USP14: variants seen among roughly 807,000 people sequenced by gnomAD.
USP14 encodes ubiquitin specific peptidase 14, also known as ubiquitin carboxyl-terminal hydrolase 14.
A neutral mutation model predicts 76.5 loss-of-function variants in USP14; 38 were observed. That is an observed-to-expected ratio of 0.50 (90% CI 0.38 to 0.65). The LOEUF (loss-of-function observed/expected upper bound fraction) is 0.65, where lower values mean the gene tolerates loss of function less well. Among genes scored for constraint, USP14 ranks in the 30% least tolerant of loss-of-function variants. USP14 has a pLI of 0.00. For synonymous variants in USP14, 192 were observed against 191.7 expected (o/e 1.00, Z -0.01); for missense variants, 467 against 586.5 (o/e 0.80, Z 2.10).
chr18:159,407 C>T (rs1909053126), intron 1 of USP14, among the ~76,000 whole-genome samples: 1 of 152,152 alleles, frequency 6.6e-6, no homozygotes, highest in Non-Finnish European at 1.5e-5. Context: ...TGCTTGCTGA[C>T]AGTCCAGGGT....
chr18:175,048 C>G (rs1381156073), intron 3 of USP14, among the ~76,000 whole-genome samples: 1 of 151,870 alleles, frequency 6.6e-6, no homozygotes, highest in Non-Finnish European at 1.5e-5. Flanking sequence ...GCTGGGATTA[C>G]AAGCGTGAGC....
intron 5 of USP14, 52 bp downstream of exon 5, chr18:180,391 T>A: frequency 8.9e-7 from 1 of 1,123,358 alleles, no homozygotes; most frequent in Non-Finnish European, 1.3e-6. Flanking sequence ...GGATGAGTAG[T>A]ATTGTTTTGT....
intron 2 of USP14, among the ~76,000 whole-genome samples, chr18:165,403 G>A (rs1230914649): frequency 1.3e-5 from 2 of 152,146 alleles, no homozygotes; most frequent in Admixed American, 6.5e-5. Context: ...GTTTACCCCC[G>A]AAGGTACAGT....
rs1405221665 is a variant in USP14, at chr18:202,914, C to G, written c.911C>G (p.Thr304Arg). ...LQEEITKQSP[T>R]LQRNALYIKS... Reference sequence around the variant, plus strand: ...GAAGAAATCACCAAACAGTCTCCAACGTTGCAAAGAAATGCCTTGTATATC... The same window carrying G: ...GAAGAAATCACCAAACAGTCTCCAAGGTTGCAAAGAAATGCCTTGTATATC... The change falls in exon 11 of 16, where the codon ACG becomes AGG. Residue 304 changes from threonine to arginine, a missense_variant. Coordinates refer to ENST00000261601, the MANE Select transcript of USP14 (RefSeq NM_005151.4). 6.2e-7 allele frequency: 1 copy of G among 1,613,994 alleles called. No homozygotes were observed. The highest frequency in any genetic ancestry group is 8.5e-7 in the Non-Finnish European group (1 of 1,179,996).
At chr18:160,542 T>C (rs978255495) in intron 1 of USP14, among the ~76,000 whole-genome samples, 1 of 152,162 alleles carries the variant, frequency 6.6e-6, no homozygotes, top group Non-Finnish European at 1.5e-5. Context: ...AACACACACC[T>C]GTGCCTCTTA....
intron 5 of USP14, among the ~76,000 whole-genome samples, chr18:185,819 G>A (rs908805944): frequency 6.6e-6 from 1 of 150,874 alleles, no homozygotes; most frequent in Non-Finnish European, 1.5e-5. Context: ...TTGGCTTCCC[G>A]AGCAGCTGGG....
rs374502685 is a variant in USP14, at chr18:187,147, C to T, written c.405-5695C>T. On this transcript the variant is annotated intron_variant, in intron 5 of 15. Transcript: ENST00000261601. Reference sequence around the variant, plus strand: ...TACTCGTGAGTTTATTGGTGACTTACATTTCTAAGGTAAAAATCTAGGTTT... The same window carrying T: ...TACTCGTGAGTTTATTGGTGACTTATATTTCTAAGGTAAAAATCTAGGTTT... Among the ~76,000 whole-genome samples, 6 of 152,246 alleles carry T rather than the reference C, an allele frequency of 3.9e-5. No homozygotes were observed. In the East Asian group the frequency reaches 9.6e-4, roughly 24 times the overall value.
chr18:180,085 G>A lies in USP14; in HGVS notation c.301-151G>A, dbSNP rs956333801. 13 of 322,508 alleles carry A rather than the reference G, an allele frequency of 4.0e-5. 3 individuals carry two copies. The highest frequency in any genetic ancestry group is 7.4e-5 in the Non-Finnish European group (13 of 175,718). The allele number at this position is 322,508 out of a possible 1,614,324, so 20.0% of individuals were successfully genotyped here. On this transcript the variant is annotated intron_variant, in intron 4 of 15. Transcript: ENST00000261601. ...ACTTTTTTTTGGGGGAAATAAAACTGTTTCTTTAGCGTGAAGGCAGAATAT... is the reference window on the plus strand; with the variant it reads ...ACTTTTTTTTGGGGGAAATAAAACTATTTCTTTAGCGTGAAGGCAGAATAT...
At chr18:208,981 A>C (rs1281267780) in intron 13 of USP14, among the ~76,000 whole-genome samples, 3 of 152,220 alleles carry the variant, frequency 2.0e-5, no homozygotes, top group Non-Finnish European at 4.4e-5. Flanking sequence ...CCTGATCTCA[A>C]GTGATCCACT....
chr18:183,648 T>C (rs1218363664), intron 5 of USP14, among the ~76,000 whole-genome samples: 6 of 152,126 alleles, frequency 3.9e-5, no homozygotes, highest in African/African-American at 9.6e-5. Flanking sequence ...TGCTTACTTA[T>C]CATGACCTTC....
intron 5 of USP14, among the ~76,000 whole-genome samples, chr18:188,894 G>T (rs1910010520): frequency 6.6e-6 from 1 of 152,138 alleles, no homozygotes; most frequent in African/African-American, 2.4e-5. Flanking sequence ...GGCCAGGATG[G>T]TCTTGAACTC....
intron 13 of USP14, among the ~76,000 whole-genome samples, chr18:208,801 A>C (rs1910594391): frequency 6.6e-6 from 1 of 152,134 alleles, no homozygotes; most frequent in Admixed American, 6.5e-5. Flanking sequence ...GCTGGAGTGC[A>C]TAGGTACGAT....
intron 9 of USP14, among the ~76,000 whole-genome samples, chr18:198,768 T>C (rs1415890363): frequency 6.6e-6 from 1 of 152,134 alleles, no homozygotes; most frequent in Non-Finnish European, 1.5e-5. Context: ...TAATAATAAC[T>C]TTTAAAATAA....
intron 3 of USP14, among the ~76,000 whole-genome samples, chr18:178,126 T>G (rs1909679901): frequency 6.6e-6 from 1 of 152,144 alleles, no homozygotes; most frequent in African/African-American, 2.4e-5. Flanking sequence ...GCTCCAGTGA[T>G]CCTCCCATTT....
chr18:210,965 C>A (rs1910653894), intron 15 of USP14, among the ~76,000 whole-genome samples, 168 bp from the exon 16 acceptor site: 1 of 152,156 alleles, frequency 6.6e-6, no homozygotes, highest in Non-Finnish European at 1.5e-5. Context: ...CTGGTGGAAC[C>A]CCTGCAGTGC....
At chr18:181,191 T>C (rs927839014) in intron 5 of USP14, among the ~76,000 whole-genome samples, 2 of 152,256 alleles carry the variant, frequency 1.3e-5, no homozygotes, top group Non-Finnish European at 2.9e-5. Context: ...CTGTTATGAG[T>C]AATGCTGCAG....
chr18:160,086 T>C (rs1863783939), intron 1 of USP14, among the ~76,000 whole-genome samples: 1 of 152,112 alleles, frequency 6.6e-6, no homozygotes, highest in African/African-American at 2.4e-5. Flanking sequence ...GGCGGATCAC[T>C]TGAGGTCAGG....
intron 5 of USP14, among the ~76,000 whole-genome samples, chr18:185,585 G>A (rs1279783994): frequency 6.6e-6 from 1 of 152,060 alleles, no homozygotes; most frequent in African/African-American, 2.4e-5. Flanking sequence ...AGCTGTCTAG[G>A]GGATATGTTC....
Position 202,911 on chromosome 18 carries a change from C to A in USP14, c.908C>A (p.Pro303Gln). 1 of 1,614,094 alleles carries A rather than the reference C, an allele frequency of 6.2e-7. No homozygotes were observed. Residue 303 changes from proline to glutamine, a missense_variant, in exon 11 of 16, where the codon CCA becomes CAA. By Grantham distance (76) the Pro-to-Gln change is moderately conservative (BLOSUM62 -1). Coordinates refer to ENST00000261601, the MANE Select transcript of USP14 (RefSeq NM_005151.4). Reference sequence around the variant, plus strand: ...CAGGAAGAAATCACCAAACAGTCTCCAACGTTGCAAAGAAATGCCTTGTAT... The same window carrying A: ...CAGGAAGAAATCACCAAACAGTCTCAAACGTTGCAAAGAAATGCCTTGTAT... ...RLQEEITKQS[P>Q]TLQRNALYIK...
Sources: gnomAD v4.1 joint callset for allele counts (sites outside exome capture counted in the v4.1 genomes callset) on GRCh38, gnomAD v4.1.1 for gene constraint, MANE v1.5 for transcripts, NCBI Gene and HGNC (gene_info 2026-07-23, HGNC 2026-07-21) for gene names.